PBX1: variants seen among roughly 807,000 people sequenced by gnomAD.
PBX1 encodes PBX homeobox 1.
A neutral mutation model predicts 53.4 loss-of-function variants in PBX1; 6 were observed. That is an observed-to-expected ratio of 0.11 (90% CI 0.06 to 0.22). The LOEUF (loss-of-function observed/expected upper bound fraction) is 0.22. Among genes scored for constraint, PBX1 ranks in the 10% least tolerant of loss-of-function variants. The probability of loss-of-function intolerance (pLI) is 1.00; values close to 1 mark genes in which losing one functional copy is unlikely to be tolerated. For synonymous variants in PBX1, 204 were observed against 212.3 expected, an observed-to-expected ratio of 0.96 and a Z score of 0.34; for missense variants, 251 against 551.4, an observed-to-expected ratio of 0.46 and a Z score of 5.46.
chr1:164,849,261 G>A lies in PBX1; in HGVS notation c.*2585G>A, dbSNP rs1448544906. 1.2e-5 allele frequency: 19 copies of A among 1,527,186 alleles called. No individual in the cohort carries two copies. Among genetic ancestry groups the A allele is most frequent in the South Asian group, 3.6e-5 (3 of 82,674 alleles). The allele number at this position is 1,527,186 out of a possible 1,614,324, so 94.6% of individuals were successfully genotyped here. On this transcript the variant is annotated 3_prime_UTR_variant, in exon 9 of 9. Coordinates refer to ENST00000420696, the MANE Select transcript of PBX1 (RefSeq NM_002585.4). ...ACATTTGCACAGGCAGTTTCTCTCC[G>A]GGCCGTAGTTTTCACTGATGATCAC...
At chr1:164,833,050 CTTCT>C (rs1670845749) in intron 8 of PBX1, among the ~76,000 whole-genome samples, 1 of 152,058 alleles carries the variant, frequency 6.6e-6, no homozygotes, top group Admixed American at 6.5e-5. Context: ...CATTTATTGA[CTTCT>C]TTCTATGTGG....
chr1:164,663,280 G>GCCTTCCTA (rs1660617537), intron 2 of PBX1, among the ~76,000 whole-genome samples: 1 of 140,438 alleles, frequency 7.1e-6, no homozygotes, highest in African/African-American at 2.7e-5. Context: ...CTGCCTGCCT[G>GCCTTCCTA]CCTTCCTACC....
intron 2 of PBX1, among the ~76,000 whole-genome samples, chr1:164,651,415 G>T (rs1442289981): frequency 8.6e-5 from 13 of 152,002 alleles, no homozygotes; most frequent in Admixed American, 8.5e-4. Flanking sequence ...TCGCGTGGTG[G>T]CTGTCTCGTT....
chr1:164,710,773 T>G (rs1663716047), intron 2 of PBX1, among the ~76,000 whole-genome samples: 1 of 151,664 alleles, frequency 6.6e-6, no homozygotes, highest in African/African-American at 2.4e-5. Context: ...GAGAGGGGAG[T>G]AAAATAGAGA....
At position 164,821,495 on chromosome 1, in the gene PBX1, C is replaced by T. The variant is rs182954126; in HGVS notation, c.1111-42C>T. 4.0e-6 allele frequency: 6 copies of T among 1,495,052 alleles called. No individual in the cohort carries two copies. The African/African-American group carries it at 8.3e-5, about 21-fold the overall frequency. 92.6% of individuals were successfully genotyped at this position (1,495,052 alleles called of 1,614,324 possible). On this transcript the variant is annotated intron_variant, in intron 7 of 8. Transcript: ENST00000420696. ...ATGATCTGCCTCCCTTTTCCTACACCTCTCTGACTAATTTTCTCTCTGTTA... is the reference window on the plus strand; with the variant it reads ...ATGATCTGCCTCCCTTTTCCTACACTTCTCTGACTAATTTTCTCTCTGTTA...
At chr1:164,786,599 GA>G (rs1285933099) in intron 2 of PBX1, among the ~76,000 whole-genome samples, 2 of 151,868 alleles carry the variant, frequency 1.3e-5, no homozygotes, top group Non-Finnish European at 2.9e-5. Flanking sequence ...GAAATCAATA[GA>G]AAAAACTTCC....
At chr1:164,566,181 A>G (rs944235366) in intron 2 of PBX1, among the ~76,000 whole-genome samples, 2 of 152,218 alleles carry the variant, frequency 1.3e-5, no homozygotes, top group African/African-American at 2.4e-5. Flanking sequence ...GTAACACCCC[A>G]AAGTAGAAGG....
chr1:164,809,609 A>G (rs970147623), intron 5 of PBX1, among the ~76,000 whole-genome samples: 2 of 152,212 alleles, frequency 1.3e-5, no homozygotes, highest in Non-Finnish European at 2.9e-5. Context: ...GTTGGATCAC[A>G]TGATTTATTA....
chr1:164,847,458 A>G lies in PBX1; in HGVS notation c.*782A>G, dbSNP rs1396031465. ...TCTTACCCTGCTAGCAATAGCTCTCAGTTTCAGAGGCACAGTCTTTGGAGA... is the reference window on the plus strand; with the variant it reads ...TCTTACCCTGCTAGCAATAGCTCTCGGTTTCAGAGGCACAGTCTTTGGAGA... On this transcript the variant is annotated 3_prime_UTR_variant, in exon 9 of 9. Coordinates refer to ENST00000420696, the MANE Select transcript of PBX1 (RefSeq NM_002585.4). The G allele has an allele frequency of 2.4e-5, 25 of 1,063,228 alleles. No individual in the cohort carries two copies. Among genetic ancestry groups the G allele is most frequent in the Non-Finnish European group, 2.8e-5 (25 of 877,904 alleles). The allele number at this position is 1,063,228 out of a possible 1,614,324, so 65.9% of individuals were successfully genotyped here.
chr1:164,606,830 CTAATAT>C (rs761835743), intron 2 of PBX1, among the ~76,000 whole-genome samples: 6 of 152,176 alleles, frequency 3.9e-5, no homozygotes, highest in Non-Finnish European at 8.8e-5. Flanking sequence ...TACATTAATA[CTAATAT>C]TAATACTGCC....
At chr1:164,637,841 G>C (rs190040414) in intron 2 of PBX1, among the ~76,000 whole-genome samples, 74 of 152,278 alleles carry the variant, frequency 4.9e-4, no homozygotes, top group Non-Finnish European at 7.8e-4. Context: ...GACAGAACAG[G>C]CTTTCTTCTC....
At chr1:164,647,246 G>C (rs1659510996) in intron 2 of PBX1, among the ~76,000 whole-genome samples, 1 of 152,188 alleles carries the variant, frequency 6.6e-6, no homozygotes, top group Admixed American at 6.5e-5. Flanking sequence ...CAAACTGATA[G>C]CAGTTAGCAC....
chr1:164,810,443 CACA>C (rs921813383), intron 5 of PBX1, among the ~76,000 whole-genome samples: 8 of 152,140 alleles, frequency 5.3e-5, no homozygotes, highest in Non-Finnish European at 1.2e-4. Flanking sequence ...GTATCATTCC[CACA>C]ACATGTCCCC....
chr1:164,734,911 T>G (rs1025306545), intron 2 of PBX1, among the ~76,000 whole-genome samples: 2 of 152,190 alleles, frequency 1.3e-5, no homozygotes, highest in African/African-American at 4.8e-5. Context: ...TATGACTTAT[T>G]ATTTTCCAAG....
chr1:164,718,172 C>A (rs566798036), intron 2 of PBX1, among the ~76,000 whole-genome samples: 26 of 152,300 alleles, frequency 1.7e-4, no homozygotes, highest in African/African-American at 6.0e-4. Flanking sequence ...ACGAATGTGG[C>A]ATGTTTTACC....
chr1:164,802,571 G>A (rs1558017031), intron 4 of PBX1, among the ~76,000 whole-genome samples: 1 of 152,282 alleles, frequency 6.6e-6, no homozygotes, highest in East Asian at 1.9e-4. Context: ...CAGCTGATGA[G>A]GAACCTAATC....
intron 2 of PBX1, among the ~76,000 whole-genome samples, chr1:164,644,487 G>T (rs527540434): frequency 6.6e-6 from 1 of 152,094 alleles, no homozygotes; most frequent in East Asian, 1.9e-4. Context: ...CTTACAAAAT[G>T]CAGACCCTGA....
intron 2 of PBX1, among the ~76,000 whole-genome samples, chr1:164,779,599 C>T (rs551428855): frequency 6.6e-6 from 1 of 152,288 alleles, no homozygotes; most frequent in Admixed American, 6.5e-5. Flanking sequence ...ATGTCTGTTA[C>T]CCCAGAAAGC....
intron 2 of PBX1, among the ~76,000 whole-genome samples, chr1:164,869,787 G>A (rs185948423): frequency 5.8e-4 from 88 of 152,324 alleles, no homozygotes; most frequent in African/African-American, 2.1e-3. Context: ...TAGTCAGTTT[G>A]GCCTCACTGA....
Sources: gnomAD v4.1 joint callset for allele counts (sites outside exome capture counted in the v4.1 genomes callset) on GRCh38, gnomAD v4.1.1 for gene constraint, MANE v1.5 for transcripts, NCBI Gene and HGNC (gene_info 2026-07-23, HGNC 2026-07-21) for gene names.